Variants in DYTN observed in about 807,000 individuals in gnomAD.
DYTN encodes the protein dystrotelin.
In DYTN, 75 loss-of-function variants were observed where a neutral mutation model predicts 69.6. The ratio of observed to expected loss-of-function variants is 1.08; its 90% CI spans 0.89 to 1.31. The LOEUF (loss-of-function observed/expected upper bound fraction) is 1.31, where lower values mean the gene tolerates loss of function less well. DYTN is among the 50% of genes most tolerant of loss of function. The pLI, the probability that DYTN is intolerant of heterozygous loss-of-function variation, is 0.00. For missense variants in DYTN, 726 were observed against 688.4 expected (o/e 1.05, Z -0.61); for synonymous variants, 252 against 249.1 (o/e 1.01, Z -0.11).
At chr2:206,653,885 C>G (rs1245451426) in intron 11 of DYTN, among the ~76,000 whole-genome samples, 1 of 152,198 alleles carries the variant, frequency 6.6e-6, no homozygotes, top group Non-Finnish European at 1.5e-5. Context: ...AGGGCAACAC[C>G]GTCATCTCTT....
rs776674256 is a variant in DYTN, at chr2:206,694,871, G to A, written c.726C>T (p.Arg242=). The part of the protein sequence containing the change: ...RTFPITGLRY[R]CLKCLNFDIC... ...TGTCAAAGTTGAGACACTTCAGACA[G>A]CGGTATCTGCCAGTTAAAATAGAAG... The change falls in exon 8 of 12, where the codon CGC becomes CGT. Residue 242 remains arginine, a synonymous_variant. Coordinates refer to ENST00000452335, the MANE Select transcript of DYTN (RefSeq NM_001093730.1). 26 of 1,592,590 alleles carry A rather than the reference G, an allele frequency of 1.6e-5. No individual in the cohort carries two copies. The East Asian group carries it at 5.6e-4, about 34-fold the overall frequency.
chr2:206,652,442 G>T (rs552192646), intron 11 of DYTN, among the ~76,000 whole-genome samples: 2 of 152,238 alleles, frequency 1.3e-5, no homozygotes, highest in African/African-American at 4.8e-5. Context: ...GGTATAGAAA[G>T]ATCTACAATT....
intron 11 of DYTN, among the ~76,000 whole-genome samples, chr2:206,661,533 A>AC (rs35578446): frequency 2.6e-5 from 4 of 151,954 alleles, no homozygotes; most frequent in African/African-American, 4.8e-5. Flanking sequence ...GGCAAGACCA[A>AC]CCCCTCCTCC....
intron 9 of DYTN, among the ~76,000 whole-genome samples, chr2:206,680,594 C>G (rs1435647225): frequency 6.6e-6 from 1 of 152,152 alleles, no homozygotes; most frequent in African/African-American, 2.4e-5. Context: ...TAAGTAGATT[C>G]ATTATGTTCT....
intron 1 of DYTN, among the ~76,000 whole-genome samples, chr2:206,713,693 C>T (rs1279714954): frequency 6.6e-6 from 1 of 152,130 alleles, no homozygotes; most frequent in Non-Finnish European, 1.5e-5. Flanking sequence ...GAAAGAACTG[C>T]CAAGCAGTGG....
At chr2:206,666,807 CTTGAGGCCAGGAAA>C (rs1442436936) in intron 9 of DYTN, among the ~76,000 whole-genome samples, 1 of 146,182 alleles carries the variant, frequency 6.8e-6, no homozygotes, top group Non-Finnish European at 1.5e-5. Context: ...TGGGGTATCC[CTTGAGGCCAGGAAA>C]TTGAGACCAG....
At chr2:206,708,870 C>A (rs536743754) in intron 2 of DYTN, among the ~76,000 whole-genome samples, 1 of 152,258 alleles carries the variant, frequency 6.6e-6, no homozygotes, top group Admixed American at 6.5e-5. Context: ...TTCACTGTTT[C>A]TGATGCCAGA....
At chr2:206,699,675 T>C in intron 7 of DYTN, 52 bp downstream of exon 7, 1 of 1,564,142 alleles carries the variant, frequency 6.4e-7, no homozygotes, top group South Asian at 1.2e-5. Flanking sequence ...CAGCTCCAAC[T>C]GTAGAACCAT....
intron 11 of DYTN, among the ~76,000 whole-genome samples, chr2:206,654,639 A>G (rs1574583814): frequency 6.6e-6 from 1 of 152,308 alleles, no homozygotes; most frequent in Admixed American, 6.5e-5. Flanking sequence ...TAACTTTTAC[A>G]TTGCTCAAGG....
At position 206,699,887 on chromosome 2, in the gene DYTN, A is replaced by G. The variant is rs760864389; in HGVS notation, c.559T>C (p.Leu187=). 2 of 1,611,706 alleles carry G rather than the reference A, an allele frequency of 1.2e-6. No individual in the cohort carries two copies. Among genetic ancestry groups the G allele is most frequent in the Non-Finnish European group, 8.5e-7 (1 of 1,179,134 alleles). The change falls in exon 7 of 12, where the codon TTG becomes CTG. Residue 187 remains leucine, a synonymous_variant. Transcript: ENST00000452335. ...SATRSCFQGV[L]SPAIKEEKFL... ...TTTTCTTCTTTGATTGCTGGGCTCA[A>G]CACCTGAAAAACAATGGCACTCTAA...
Position 206,707,249 on chromosome 2 carries a change from A to C in DYTN, c.296+53T>G. 3 of 1,566,528 alleles carry C rather than the reference A, an allele frequency of 1.9e-6. No individual in the cohort carries two copies. In the South Asian group the frequency reaches 3.5e-5, roughly 18 times the overall value. Reference sequence around the variant, plus strand: ...AGCCAGCACCAAATGGTAAATGACCACTGGAAACTAAACTTTGCCTTTGAG... The same window carrying C: ...AGCCAGCACCAAATGGTAAATGACCCCTGGAAACTAAACTTTGCCTTTGAG... On this transcript the variant is annotated intron_variant, in intron 3 of 11. Coordinates refer to ENST00000452335, the MANE Select transcript of DYTN (RefSeq NM_001093730.1).
At position 206,666,006 on chromosome 2, in the gene DYTN, T is replaced by C. The variant is rs1490710958; in HGVS notation, c.1004A>G (p.Gln335Arg). ...TATAGCTTGCAACTTGTCTTTGTAT[T>C]GGTTTAACTGTTTTTTAAGGAGCCT... ...QARLLKKQLN[Q>R]YKDKLQAIYT... The change falls in exon 10 of 12, where the codon CAA (glutamine) becomes CGA (arginine). Residue 335 changes from glutamine to arginine, a missense_variant. Transcript: ENST00000452335. The C allele has an allele frequency of 6.2e-7, 1 of 1,613,848 alleles. No individual in the cohort carries two copies. The highest frequency in any genetic ancestry group is 1.7e-5 in the Admixed American group (1 of 59,986).
At position 206,718,372 on chromosome 2, in the gene DYTN, TG is replaced by T; in HGVS notation, c.-94del. The T allele has an allele frequency of 7.1e-7, 1 of 1,414,990 alleles. No individual in the cohort carries two copies. The highest frequency in any genetic ancestry group is 9.7e-7 in the Non-Finnish European group (1 of 1,031,220). The allele number at this position is 1,414,990 out of a possible 1,614,324, so 87.7% of individuals were successfully genotyped here. On this transcript the variant is annotated 5_prime_UTR_variant, in exon 1 of 12. Coordinates refer to ENST00000452335, the MANE Select transcript of DYTN (RefSeq NM_001093730.1). The stretch of plus-strand genomic sequence containing the variant: ...AGCAGAAGGTTTTGCAGCAGAGGAA[TG>T]AGGACAGGGGAACAAAAAGGCAACT...
intron 5 of DYTN, among the ~76,000 whole-genome samples, chr2:206,701,598 G>C (rs1699977911): frequency 6.6e-6 from 1 of 152,154 alleles, no homozygotes; most frequent in South Asian, 2.1e-4. Context: ...TGAATTCATA[G>C]AAACAGAAGA....
In DYTN at chr2:206,693,162, C is replaced by T. The variant is rs757879239; in HGVS notation, c.980+13G>A. The T allele has an allele frequency of 3.1e-6, 5 of 1,599,086 alleles. No individual in the cohort carries two copies. Among genetic ancestry groups the T allele is most frequent in the Non-Finnish European group, 3.4e-6 (4 of 1,174,304 alleles). On this transcript the variant is annotated intron_variant, in intron 9 of 11. Coordinates refer to ENST00000452335, the MANE Select transcript of DYTN (RefSeq NM_001093730.1). Reference sequence around the variant, plus strand: ...CTGCTCTGTGGGATCAGCCAATCCTCGCAGCCACTCACCTGGCCTGCGCAT... The same window carrying T: ...CTGCTCTGTGGGATCAGCCAATCCTTGCAGCCACTCACCTGGCCTGCGCAT...
rs1700111559 is a variant in DYTN, at chr2:206,714,757, AG to A, written c.19+3503del. Among the ~76,000 whole-genome samples, 3 of 152,262 alleles carry A rather than the reference AG, an allele frequency of 2.0e-5. No individual in the cohort carries two copies. The East Asian group carries it at 5.8e-4, about 30-fold the overall frequency. ...AGGTGTGACAAGGACTTCTGTGTCC[AG>A]TCTTGACATGGAGTCCCATGTCTTC... On this transcript the variant is annotated intron_variant, in intron 1 of 11. Transcript: ENST00000452335.
At chr2:206,682,109 G>T (rs1699756692) in intron 9 of DYTN, among the ~76,000 whole-genome samples, 1 of 152,000 alleles carries the variant, frequency 6.6e-6, no homozygotes, top group Non-Finnish European at 1.5e-5. Context: ...TCTTGGGAAG[G>T]GTGTGTGTGT....
intron 9 of DYTN, among the ~76,000 whole-genome samples, chr2:206,676,359 A>G (rs1292433917): frequency 6.6e-6 from 1 of 152,136 alleles, no homozygotes; most frequent in East Asian, 1.9e-4. Flanking sequence ...GTTCTCACTC[A>G]TAAGTGGGAG....
At chr2:206,701,409 T>A (rs748148783) in intron 5 of DYTN, among the ~76,000 whole-genome samples, 1 of 152,116 alleles carries the variant, frequency 6.6e-6, no homozygotes, top group African/African-American at 2.4e-5. Flanking sequence ...CATTGACAGA[T>A]GAATAAAAAA....
Sources: gnomAD v4.1 joint callset for allele counts (sites outside exome capture counted in the v4.1 genomes callset) on GRCh38, gnomAD v4.1.1 for gene constraint, MANE v1.5 for transcripts, NCBI Gene and HGNC (gene_info 2026-07-23, HGNC 2026-07-21) for gene names.